The following SVIP variants were observed in gnomAD, a reference collection of about 807,000 sequenced individuals.
The protein encoded by SVIP is small VCP interacting protein, also known as small VCP/p97-interacting protein.
A neutral mutation model predicts 12.9 loss-of-function variants in SVIP; 14 were observed. The observed-to-expected ratio is 1.08, with a 90% CI of 0.72 to 1.70. SVIP has a LOEUF of 1.70. Among genes scored for constraint, SVIP ranks in the 40% most tolerant of loss-of-function variants. The probability of loss-of-function intolerance (pLI) is 0.00; values close to 1 mark genes in which losing one functional copy is unlikely to be tolerated. For missense variants in SVIP, 93 were observed against 90.8 expected (o/e 1.02, Z -0.10); for synonymous variants, 35 against 33.3 (o/e 1.05, Z -0.17).
Position 22,827,698 on chromosome 11 carries a change from C to T in SVIP, c.105+126G>A, listed in dbSNP as rs539521139. On this transcript the variant is annotated intron_variant, in intron 2 of 3. Transcript: ENST00000354193. Reference sequence around the variant, plus strand: ...AAGGAAATCATTTTGAAAATAATTACATTTAAATGTAAATTTTTGGGATAT... The same window carrying T: ...AAGGAAATCATTTTGAAAATAATTATATTTAAATGTAAATTTTTGGGATAT... The T allele has an allele frequency of 3.3e-4, 189 of 575,520 alleles. 3 individuals carry two copies. Among genetic ancestry groups the T allele is most frequent in the Middle Eastern group, 6.0e-4 (2 of 3,352 alleles). The allele number at this position is 575,520 out of a possible 1,614,324, so 35.7% of individuals were successfully genotyped here.
At chr11:22,825,843 T>A (rs183167670) in intron 3 of SVIP, among the ~76,000 whole-genome samples, 1 of 152,300 alleles carries the variant, frequency 6.6e-6, no homozygotes, top group East Asian at 1.9e-4. Flanking sequence ...TGACTTTAAC[T>A]TAATACCTTC....
chr11:22,824,471 T>C (rs1325313932), intron 3 of SVIP, among the ~76,000 whole-genome samples: 1 of 145,170 alleles, frequency 6.9e-6, no homozygotes, highest in Admixed American at 7.2e-5. Context: ...CACATATATA[T>C]ACGTATATAT....
At chr11:22,827,790 ATC>A (rs1857775961) in intron 2 of SVIP, 32 bp downstream of exon 2, 2 of 1,549,964 alleles carry the variant, frequency 1.3e-6, no homozygotes, top group African/African-American at 2.8e-5. Context: ...AAACTCAATT[ATC>A]TAAGTAGGCA....
chr11:22,829,660 G>T (rs776895870), intron 1 of SVIP, 35 bp downstream of exon 1: 5 of 1,557,498 alleles, frequency 3.2e-6, no homozygotes, highest in Non-Finnish European at 4.3e-6. Context: ...TGCTCAAGGC[G>T]CGGCCCGGCG....
At chr11:22,826,272 C>T (rs1029078649) in intron 3 of SVIP, among the ~76,000 whole-genome samples, 5 of 152,084 alleles carry the variant, frequency 3.3e-5, no homozygotes, top group Non-Finnish European at 7.4e-5. Context: ...TCAGGGTGTT[C>T]ATAAACTGCC....
intron 1 of SVIP, chr11:22,829,494 G>A (rs1231322991): frequency 8.6e-6 from 4 of 463,984 alleles, no homozygotes; most frequent in Non-Finnish European, 1.5e-5. Context: ...TACAAAAGTG[G>A]AGATCTACAC....
chr11:22,819,253 AT>A lies in SVIP; in HGVS notation c.*3865del, dbSNP rs1857407011. ...AAGAAATATAGACAGAGAAAAGGGCATTTTAGGAGTTTGATAGGAAAAGGAG... is the reference window on the plus strand; with the variant it reads ...AAGAAATATAGACAGAGAAAAGGGCATTTAGGAGTTTGATAGGAAAAGGAG... On this transcript the variant is annotated 3_prime_UTR_variant, in exon 4 of 4. Coordinates refer to ENST00000354193, the MANE Select transcript of SVIP (RefSeq NM_148893.3). The A allele has an allele frequency of 6.6e-6, 1 of 152,186 alleles. No individual in the cohort carries two copies. The highest frequency in any genetic ancestry group is 2.1e-4 in the South Asian group (1 of 4,836). The allele number at this position is 152,186 out of a possible 1,614,324, so 9.4% of individuals were successfully genotyped here.
intron 1 of SVIP, among the ~76,000 whole-genome samples, chr11:22,828,422 G>A (rs1388941245): frequency 2.0e-5 from 3 of 152,142 alleles, no homozygotes; most frequent in Admixed American, 6.5e-5. Context: ...TAAAAACATA[G>A]ATAAATGTCT....
At position 22,823,108 on chromosome 11, in the gene SVIP, C is replaced by A; in HGVS notation, c.*11G>T. On this transcript the variant is annotated 3_prime_UTR_variant, in exon 4 of 4. Transcript: ENST00000354193. ...GTTATTGGCAGTAGATTCTTCTACT[C>A]ATGTTATGCTTTATGAAACTGTCCA... The A allele has an allele frequency of 6.3e-7, 1 of 1,585,372 alleles. No individual in the cohort carries two copies. The highest frequency in any genetic ancestry group is 1.2e-5 in the South Asian group (1 of 86,504).
chr11:22,823,370 G>A (rs1857550773), intron 3 of SVIP, among the ~76,000 whole-genome samples: 1 of 152,198 alleles, frequency 6.6e-6, no homozygotes, highest in Non-Finnish European at 1.5e-5. Context: ...TTGCAGGATA[G>A]CTCTGTCTCA....
Position 22,822,938 on chromosome 11 carries a change from A to G in SVIP, c.*181T>C. 1 of 527,982 alleles carries G rather than the reference A, an allele frequency of 1.9e-6. No individual in the cohort carries two copies. Among genetic ancestry groups the G allele is most frequent in the Non-Finnish European group, 3.3e-6 (1 of 303,814 alleles). The allele number at this position is 527,982 out of a possible 1,614,324, so 32.7% of individuals were successfully genotyped here. A position where few individuals can be genotyped will look rare whatever the true frequency, so the allele number is the denominator to read the frequency against. On this transcript the variant is annotated 3_prime_UTR_variant, in exon 4 of 4. Transcript: ENST00000354193. Reference sequence around the variant, plus strand: ...ATGTAGGAAAATCAGTATTTAATGAAAAGTCTAGCCATTCTCTAAGCTTGA... The same window carrying G: ...ATGTAGGAAAATCAGTATTTAATGAGAAGTCTAGCCATTCTCTAAGCTTGA...
At chr11:22,827,727 A>G (rs1857772406) in intron 2 of SVIP, 97 bp downstream of exon 2, 1 of 906,524 alleles carries the variant, frequency 1.1e-6, no homozygotes, top group Non-Finnish European at 1.6e-6. Context: ...GGGATATCAA[A>G]GGCCATTTGC....
chr11:22,823,177 A>AGTACT, intron 3 of SVIP, 44 bp from the exon 4 acceptor site: 5 of 1,452,864 alleles, frequency 3.4e-6, no homozygotes, highest in Non-Finnish European at 3.8e-6. Flanking sequence ...TTTTACTTGA[A>AGTACT]GTTATATAAC....
intron 1 of SVIP, among the ~76,000 whole-genome samples, chr11:22,829,074 A>G (rs1857839689): frequency 6.6e-6 from 1 of 152,186 alleles, no homozygotes; most frequent in Non-Finnish European, 1.5e-5. Flanking sequence ...TTCCTTGTAT[A>G]TCTGAAATTC....
intron 3 of SVIP, among the ~76,000 whole-genome samples, chr11:22,826,694 A>G (rs1041521711): frequency 6.6e-6 from 1 of 152,120 alleles, no homozygotes; most frequent in Non-Finnish European, 1.5e-5. Context: ...TGATACCCAC[A>G]CCTGTATACA....
chr11:22,828,608 G>A (rs1857814469), intron 1 of SVIP, among the ~76,000 whole-genome samples: 1 of 152,080 alleles, frequency 6.6e-6, no homozygotes, highest in Non-Finnish European at 1.5e-5. Flanking sequence ...TGACATCCAA[G>A]CAGTGAGCCG....
intron 3 of SVIP, 59 bp from the exon 4 acceptor site, chr11:22,823,192 C>T (rs2134746373): frequency 7.9e-7 from 1 of 1,264,972 alleles, no homozygotes; most frequent in Non-Finnish European, 1.1e-6. Context: ...TATAACAGTA[C>T]TTCAGTGAAC....
intron 1 of SVIP, chr11:22,829,292 C>T (rs182922844): frequency 3.5e-4 from 61 of 174,094 alleles, no homozygotes; most frequent in Admixed American, 2.3e-3. Context: ...GTTGAAAACG[C>T]ACATCTCCTA....
intron 3 of SVIP, among the ~76,000 whole-genome samples, chr11:22,825,429 G>C (rs1169156884): frequency 6.6e-6 from 1 of 152,096 alleles, no homozygotes; most frequent in Non-Finnish European, 1.5e-5. Flanking sequence ...AATATTCCAA[G>C]GAAAAATTAC....
Sources: gnomAD v4.1 joint callset for allele counts (sites outside exome capture counted in the v4.1 genomes callset) on GRCh38, gnomAD v4.1.1 for gene constraint, MANE v1.5 for transcripts, NCBI Gene and HGNC (gene_info 2026-07-23, HGNC 2026-07-21) for gene names.